The following ZSWIM3 variants were observed in gnomAD, a reference collection of about 807,000 sequenced individuals.
The protein encoded by ZSWIM3 is zinc finger SWIM-type containing 3.
ZSWIM3 carries 27 observed loss-of-function variants against 47.5 expected under a neutral mutation model. The observed-to-expected ratio is 0.57, with a 90% CI of 0.42 to 0.78. The LOEUF (loss-of-function observed/expected upper bound fraction) is 0.78, where lower values mean the gene tolerates loss of function less well. Among genes scored for constraint, ZSWIM3 ranks in the 30% least tolerant of loss-of-function variants. The pLI, the probability that ZSWIM3 is intolerant of heterozygous loss-of-function variation, is 0.00. For missense variants in ZSWIM3, 689 were observed against 861.3 expected (o/e 0.80, Z 2.50); for synonymous variants, 333 against 333.9 (o/e 1.00, Z 0.03).
At chr20:45,859,191 C>T (rs183732048) in intron 1 of ZSWIM3, among the ~76,000 whole-genome samples, 3 of 152,142 alleles carry the variant, frequency 2.0e-5, no homozygotes, top group East Asian at 3.9e-4. Flanking sequence ...TCAGAGCATG[C>T]GGGCCAACTC....
At chr20:45,864,097 G>A (rs1392933650) in intron 1 of ZSWIM3, among the ~76,000 whole-genome samples, 1 of 152,216 alleles carries the variant, frequency 6.6e-6, no homozygotes, top group Non-Finnish European at 1.5e-5. Context: ...GTTTTCTAAT[G>A]TCACTTGTCC....
At chr20:45,870,680 G>A (rs1002785348) in intron 1 of ZSWIM3, among the ~76,000 whole-genome samples, 5 of 151,894 alleles carry the variant, frequency 3.3e-5, no homozygotes, top group African/African-American at 4.8e-5. Flanking sequence ...ACATAGCTAA[G>A]TGGAATTTAT....
Position 45,878,623 on chromosome 20 carries a change from C to G in ZSWIM3, c.2065C>G (p.Pro689Ala), listed in dbSNP as rs1486415645. The change falls in exon 2 of 2, where the codon CCT becomes GCT. Residue 689 changes from proline to alanine, a missense_variant. Coordinates refer to ENST00000255152, the MANE Select transcript of ZSWIM3 (RefSeq NM_080752.4). ...GKQEEGEGFP[P>A]ATAVMHY is the part of the protein sequence containing the mutation. ...GCAAGAAGAAGGGGAGGGATTCCCT[C>G]CTGCTACAGCTGTGATGCATTATTG... The G allele has an allele frequency of 5.6e-6, 9 of 1,611,432 alleles. No individual in the cohort carries two copies. Among genetic ancestry groups the G allele is most frequent in the Middle Eastern group, 1.7e-4 (1 of 6,058 alleles).
chr20:45,859,565 T>A (rs1985651315), intron 1 of ZSWIM3, among the ~76,000 whole-genome samples: 1 of 151,942 alleles, frequency 6.6e-6, no homozygotes, highest in Admixed American at 6.6e-5. Flanking sequence ...TGTGGTTAAT[T>A]ACTGAGTACC....
rs967791989 is a variant in ZSWIM3 at position 45,871,860 on chromosome 20, CAAAGAAAAAAAAAA to C, written c.156-4840_156-4827del. Among the ~76,000 whole-genome samples the C allele has an allele frequency of 3.6e-4, 21 of 58,808 alleles. No homozygotes were observed. The East Asian group carries it at 5.5e-3, about 15-fold the overall frequency. The allele number at this position is 58,808 out of a possible 152,430, so 38.6% of individuals were successfully genotyped here. On this transcript the variant is annotated intron_variant, in intron 1 of 1. Transcript: ENST00000255152. Reference sequence around the variant, plus strand: ...TGGGCAACAGAACGAATATCTGTCTCAAAGAAAAAAAAAAAAAGAAAAAAAAAGTATGTTTAGAG... The same window carrying C: ...TGGGCAACAGAACGAATATCTGTCTCAAAGAAAAAAAAAGTATGTTTAGAG...
Position 45,877,470 on chromosome 20 carries a change from C to T in ZSWIM3, c.912C>T (p.Leu304=), listed in dbSNP as rs1443540677. The part of the protein sequence containing the change: ...LQEIFPAARI[L]LSIYHTTRLL... ...AGATCTTTCCTGCTGCCCGCATCCT[C>T]CTTTCCATCTACCACACAACCCGAC... The change falls in exon 2 of 2, where the codon CTC becomes CTT. Residue 304 remains leucine (L), a synonymous_variant. Coordinates refer to ENST00000255152, the MANE Select transcript of ZSWIM3 (RefSeq NM_080752.4). The T allele has an allele frequency of 6.2e-7, 1 of 1,614,222 alleles. No homozygotes were observed. Among genetic ancestry groups the T allele is most frequent in the South Asian group, 1.1e-5 (1 of 91,082 alleles).
Position 45,877,754 on chromosome 20 carries a change from C to T in ZSWIM3, c.1196C>T (p.Thr399Ile). 6.2e-7 allele frequency: 1 copy of T among 1,614,098 alleles called. No homozygotes were observed. The highest frequency in any genetic ancestry group is 1.1e-5 in the South Asian group (1 of 91,090). The stretch of plus-strand genomic sequence containing the variant: ...TACATGGACAGCCTAGACATTGTCA[C>T]CAGCAAGGTGTCAAGCCTCTTTCGG... ...NTYMDSLDIV[T>I]SKVSSLFREQ... The change falls in exon 2 of 2, where the codon ACC becomes ATC. Residue 399 changes from threonine to isoleucine, a missense_variant. Thr to Ile is a moderately conservative substitution (Grantham distance 89). Coordinates refer to ENST00000255152, the MANE Select transcript of ZSWIM3 (RefSeq NM_080752.4).
Position 45,878,197 on chromosome 20 carries a change from T to C in ZSWIM3, c.1639T>C (p.Cys547Arg), listed in dbSNP as rs371423381. Reference protein sequence around the residue: ...EDSHQVSKDGCSCSCSFQQWY... With the variant: ...EDSHQVSKDGRSCSCSFQQWY... ...CTCTCACCAGGTTAGCAAAGATGGC[T>C]GTAGCTGCAGCTGTTCCTTTCAACA... is the stretch of plus-strand genomic sequence containing the variant. The change falls in exon 2 of 2, where the codon TGT becomes CGT. Residue 547 changes from cysteine to arginine, a missense_variant. Transcript: ENST00000255152. 5.6e-6 allele frequency: 9 copies of C among 1,614,132 alleles called. No individual in the cohort carries two copies. The highest frequency in any genetic ancestry group is 6.8e-6 in the Non-Finnish European group (8 of 1,180,060).
In ZSWIM3 at chr20:45,878,545, C is replaced by G. The variant is rs911326872; in HGVS notation, c.1987C>G (p.Gln663Glu). The G allele has an allele frequency of 1.2e-6, 2 of 1,614,222 alleles. No homozygotes were observed. Among genetic ancestry groups the G allele is most frequent in the Admixed American group, 1.7e-5 (1 of 60,034 alleles). ...AGPSQPSELF[Q>E]QPGDFKDVGR... ...CCCCTCCCAGCCATCTGAGCTCTTT[C>G]AGCAGCCAGGAGACTTTAAGGACGT... The change falls in exon 2 of 2, where the codon CAG (glutamine) becomes GAG (glutamate). Residue 663 changes from glutamine to glutamate, a missense_variant. Coordinates refer to ENST00000255152, the MANE Select transcript of ZSWIM3 (RefSeq NM_080752.4).
intron 1 of ZSWIM3, among the ~76,000 whole-genome samples, chr20:45,858,462 G>A (rs984847972): frequency 6.6e-6 from 1 of 152,170 alleles, no homozygotes; most frequent in South Asian, 2.1e-4. Flanking sequence ...AGCTCACTGA[G>A]CCTTCAACTG....
At chr20:45,872,722 A>G (rs1986001226) in intron 1 of ZSWIM3, 2 of 1,289,070 alleles carry the variant, frequency 1.6e-6, no homozygotes, top group African/African-American at 1.5e-5. Context: ...AGCGGAGACC[A>G]CAAGTGGTCA....
intron 1 of ZSWIM3, among the ~76,000 whole-genome samples, chr20:45,862,029 A>AAAAT (rs1568744831): frequency 6.6e-6 from 1 of 150,562 alleles, no homozygotes; most frequent in Non-Finnish European, 1.5e-5. Flanking sequence ...ACTCTGTCTC[A>AAAAT]AAATAAATAA....
intron 1 of ZSWIM3, among the ~76,000 whole-genome samples, chr20:45,870,870 T>A (rs530389341): frequency 6.6e-6 from 1 of 151,998 alleles, no homozygotes; most frequent in Non-Finnish European, 1.5e-5. Flanking sequence ...ATTTTTTGTA[T>A]TTTTAGTAGA....
In ZSWIM3 at chr20:45,878,266, A is replaced by G. The variant is rs757702054; in HGVS notation, c.1708A>G (p.Thr570Ala). The G allele has an allele frequency of 1.8e-5, 29 of 1,614,038 alleles. No homozygotes were observed. Among genetic ancestry groups the G allele is most frequent in the Non-Finnish European group, 2.3e-5 (27 of 1,180,034 alleles). ...PCRHILALLH[T>A]SQQPVGEAMV... ...CCGACACATTTTGGCTCTGCTGCAC[A>G]CCAGCCAGCAGCCGGTTGGTGAAGC... The change falls in exon 2 of 2, where the codon ACC becomes GCC. Residue 570 changes from threonine (T) to alanine (A), a missense_variant. Thr to Ala is a moderately conservative substitution (Grantham distance 58). Transcript: ENST00000255152.
chr20:45,863,760 G>T (rs1985766966), intron 1 of ZSWIM3, among the ~76,000 whole-genome samples: 1 of 152,206 alleles, frequency 6.6e-6, no homozygotes, highest in Non-Finnish European at 1.5e-5. Flanking sequence ...CACTTTGGGA[G>T]ACCAGGGCAG....
At chr20:45,860,894 CAAG>C (rs1171152502) in intron 1 of ZSWIM3, among the ~76,000 whole-genome samples, 3 of 152,186 alleles carry the variant, frequency 2.0e-5, no homozygotes, top group Non-Finnish European at 4.4e-5. Context: ...CTGCCTGCCA[CAAG>C]AAGATTAATA....
chr20:45,873,823 T>G (rs1057268768), intron 1 of ZSWIM3, among the ~76,000 whole-genome samples: 3 of 152,216 alleles, frequency 2.0e-5, no homozygotes, highest in African/African-American at 7.2e-5. Context: ...CTAAGCCTTA[T>G]AGATAAATGC....
chr20:45,859,846 A>G (rs1224674432), intron 1 of ZSWIM3, among the ~76,000 whole-genome samples: 6 of 151,902 alleles, frequency 3.9e-5, no homozygotes, highest in Non-Finnish European at 8.8e-5. Context: ...CCCTTCAGGA[A>G]GACCATCTCA....
intron 1 of ZSWIM3, among the ~76,000 whole-genome samples, chr20:45,864,603 C>T (rs1417279998): frequency 6.6e-6 from 1 of 152,204 alleles, no homozygotes; most frequent in African/African-American, 2.4e-5. Context: ...TTGCTCACGC[C>T]TATAATCCCA....
Sources: gnomAD v4.1 joint callset for allele counts (sites outside exome capture counted in the v4.1 genomes callset) on GRCh38, gnomAD v4.1.1 for gene constraint, MANE v1.5 for transcripts, NCBI Gene and HGNC (gene_info 2026-07-23, HGNC 2026-07-21) for gene names.